The following PLSCR2 variants were observed in gnomAD, a reference collection of about 807,000 sequenced individuals.
The protein encoded by PLSCR2 is PL scramblase 2.
A neutral mutation model predicts 25.3 loss-of-function variants in PLSCR2; 18 were observed. That is an observed-to-expected ratio of 0.71 (90% CI 0.49 to 1.06). The LOEUF is 1.06. PLSCR2 is among the 50% of genes least tolerant of loss of function. PLSCR2 has a pLI of 0.00. For missense variants in PLSCR2, 243 were observed against 269.5 expected, an observed-to-expected ratio of 0.90 and a Z score of 0.69; for synonymous variants, 88 against 87.3, an observed-to-expected ratio of 1.01 and a Z score of -0.04.
intron 6 of PLSCR2, among the ~76,000 whole-genome samples, chr3:146,446,377 T>C (rs942927762): frequency 6.6e-6 from 1 of 152,178 alleles, no homozygotes; most frequent in Non-Finnish European, 1.5e-5. Context: ...CTTTAGTGGA[T>C]ACCCCAAGCC....
chr3:146,481,175 G>C (rs1031763370), intron 1 of PLSCR2, among the ~76,000 whole-genome samples: 5 of 152,196 alleles, frequency 3.3e-5, no homozygotes, highest in African/African-American at 1.2e-4. Flanking sequence ...ACTGGCACAA[G>C]ACAATGATGC....
Position 146,424,221 on chromosome 3 carries a change from T to C in PLSCR2, c.101-28300A>G, listed in dbSNP as rs1430963811. 2.0e-5 allele frequency among the ~76,000 whole-genome samples: 3 copies of C among 152,196 alleles called. No homozygotes were observed. The East Asian group carries it at 5.8e-4, about 29-fold the overall frequency. ...TATACATGGCCACCTTCTCACTATG[T>C]CCTCCCTTGGTCTTTCCTTGGTGCT... On this transcript the variant is annotated intron_variant and NMD_transcript_variant, in intron 2 of 3. Coordinates refer to the PLSCR2 transcript ENST00000463633.
At chr3:146,481,651 T>C (rs1184805719) in intron 1 of PLSCR2, among the ~76,000 whole-genome samples, 1 of 152,226 alleles carries the variant, frequency 6.6e-6, no homozygotes, top group African/African-American at 2.4e-5. Context: ...ATGGCCATAC[T>C]GCCCAAGGTA....
chr3:146,479,970 C>G (rs2043071655), intron 1 of PLSCR2, among the ~76,000 whole-genome samples: 1 of 152,146 alleles, frequency 6.6e-6, no homozygotes, highest in South Asian at 2.1e-4. Context: ...ACTGGACAAC[C>G]TGCTCCTGAA....
intron 2 of PLSCR2, among the ~76,000 whole-genome samples, chr3:146,423,826 C>G (rs2039244289): frequency 6.6e-6 from 1 of 152,026 alleles, no homozygotes; most frequent in Non-Finnish European, 1.5e-5. Context: ...CAGAGGTGGT[C>G]TCTAAAAGTT....
chr3:146,456,449 A>C (rs1036934384), intron 3 of PLSCR2, among the ~76,000 whole-genome samples: 13 of 152,168 alleles, frequency 8.5e-5, no homozygotes, highest in Admixed American at 8.5e-4. Context: ...CTGTAGACAA[A>C]AGTTTGTGAA....
downstream of PLSCR2, among the ~76,000 whole-genome samples, chr3:146,441,521 C>A (rs1576633645): frequency 6.6e-6 from 1 of 151,764 alleles, no homozygotes; most frequent in African/African-American, 2.4e-5. Flanking sequence ...TTCCTATATT[C>A]TTTTCCCCAT....
chr3:146,407,460 T>C (rs2038693605), intron 2 of PLSCR2, among the ~76,000 whole-genome samples: 1 of 152,194 alleles, frequency 6.6e-6, no homozygotes, highest in Admixed American at 6.5e-5. Context: ...ATTTCCCAGT[T>C]TTCTTCTGGC....
intron 6 of PLSCR2, among the ~76,000 whole-genome samples, chr3:146,447,983 G>A (rs2054663985): frequency 6.6e-6 from 1 of 152,142 alleles, no homozygotes; most frequent in Admixed American, 6.5e-5. Context: ...CCAATGCAAA[G>A]TCCCACAATC....
intron 2 of PLSCR2, among the ~76,000 whole-genome samples, chr3:146,410,500 A>G (rs1033387920): frequency 6.6e-6 from 1 of 152,124 alleles, no homozygotes; most frequent in African/African-American, 2.4e-5. Context: ...TGTTTTTCAC[A>G]CTCGTTCTTG....
intron 6 of PLSCR2, among the ~76,000 whole-genome samples, chr3:146,447,092 G>T (rs570264377): frequency 1.3e-5 from 2 of 152,204 alleles, no homozygotes; most frequent in Admixed American, 6.5e-5. Context: ...TCATGGCAGC[G>T]GGCTCCCCCC....
chr3:146,440,862 A>G (rs1560000491), downstream of PLSCR2, among the ~76,000 whole-genome samples: 2 of 152,166 alleles, frequency 1.3e-5, no homozygotes, highest in Non-Finnish European at 2.9e-5. Context: ...ACCTAAGACC[A>G]CTAATGAAGT....
intron 2 of PLSCR2, among the ~76,000 whole-genome samples, chr3:146,410,821 G>T (rs752953330): frequency 6.6e-6 from 1 of 152,150 alleles, no homozygotes; most frequent in Non-Finnish European, 1.5e-5. Context: ...TCCCATGATG[G>T]GATCATTCAG....
intron 6 of PLSCR2, among the ~76,000 whole-genome samples, chr3:146,442,374 T>C (rs1049828256): frequency 1.3e-5 from 2 of 152,078 alleles, no homozygotes; most frequent in Admixed American, 6.5e-5. Context: ...ATTGCCAAGA[T>C]GTCCATACTA....
At chr3:146,436,054 G>C (rs2039835696) in intron 8 of PLSCR2, among the ~76,000 whole-genome samples, 1 of 152,018 alleles carries the variant, frequency 6.6e-6, no homozygotes, top group African/African-American at 2.4e-5. Context: ...TCTTGTTTTT[G>C]TCAGGTTTGT....
In PLSCR2 at chr3:146,406,104, A is replaced by G. The variant is rs73152907; in HGVS notation, c.101-10183T>C. 2.5e-3 allele frequency among the ~76,000 whole-genome samples: 377 copies of G among 152,356 alleles called. 3 individuals are homozygous for G. The highest frequency in any genetic ancestry group is 3.9e-3 in the Non-Finnish European group (266 of 68,034). ...GTTGAATTAGGGTCATGGAAGTTAT[A>G]GTAAGAGAATTACAATTTTTTCTAG... is the stretch of plus-strand genomic sequence containing the variant. On this transcript the variant is annotated intron_variant and NMD_transcript_variant, in intron 2 of 3. Coordinates refer to the PLSCR2 transcript ENST00000463633.
rs944495169 is a variant in PLSCR2, at chr3:146,395,759, C to T, written c.*145+1G>A. 1.9e-5 allele frequency: 3 copies of T among 160,722 alleles called. No individual in the cohort carries two copies. The Admixed American group carries it at 2.0e-4, about 11-fold the overall frequency. 10.0% of individuals were successfully genotyped at this position (160,722 alleles called of 1,614,324 possible). ...GCTAAATAGAGTAAAAATAGACTCA[C>T]AATGAGGAAAGTTGCTCCAAGCATC... On this transcript the variant is annotated splice_donor_variant and NMD_transcript_variant, in intron 3 of 3. Transcript: ENST00000463633.
At chr3:146,481,867 G>C (rs542539966) in intron 1 of PLSCR2, among the ~76,000 whole-genome samples, 74 of 152,158 alleles carry the variant, frequency 4.9e-4, no homozygotes, top group African/African-American at 1.7e-3. Flanking sequence ...GCATGCTACT[G>C]GTATAAAAAC....
exon 2 of PLSCR2, chr3:146,460,078 G>A (rs1248008335): frequency 6.5e-7 from 1 of 1,527,020 alleles, no homozygotes. Flanking sequence ...ATATGTCCGG[G>A]AGGTCCTGAA....
Sources: gnomAD v4.1 joint callset for allele counts (sites outside exome capture counted in the v4.1 genomes callset) on GRCh38, gnomAD v4.1.1 for gene constraint, MANE v1.5 for transcripts, NCBI Gene and HGNC (gene_info 2026-07-23, HGNC 2026-07-21) for gene names.